The following SAMD12 variants were observed in gnomAD, a reference collection of about 807,000 sequenced individuals.
SAMD12 encodes the protein sterile alpha motif domain-containing protein 12.
SAMD12 carries 9 observed loss-of-function variants against 15.0 expected under a neutral mutation model. That is an observed-to-expected ratio of 0.60 (90% CI 0.36 to 1.05). The LOEUF is 1.05. Among genes scored for constraint, SAMD12 ranks in the 50% least tolerant of loss-of-function variants. The pLI is 0.01. For missense variants in SAMD12, 230 were observed against 234.2 expected (o/e 0.98, Z 0.12); for synonymous variants, 86 against 90.1 (o/e 0.96, Z 0.25).
intron 4 of SAMD12, among the ~76,000 whole-genome samples, chr8:118,302,942 T>C (rs1815125808): frequency 6.6e-6 from 1 of 152,194 alleles, no homozygotes; most frequent in African/African-American, 2.4e-5. Context: ...AAAGTGCAAC[T>C]AGGCATCTGT....
At chr8:118,439,502 A>T (rs1822669313) in intron 3 of SAMD12, among the ~76,000 whole-genome samples, 1 of 152,168 alleles carries the variant, frequency 6.6e-6, no homozygotes, top group Admixed American at 6.5e-5. Context: ...CTACATAGTG[A>T]TCCTGTAGCC....
intron 4 of SAMD12, among the ~76,000 whole-genome samples, chr8:118,259,051 T>C (rs55648456): frequency 1.3e-5 from 2 of 152,082 alleles, no homozygotes; most frequent in Non-Finnish European, 2.9e-5. Context: ...TTGATACTTA[T>C]ACGGAAATGA....
chr8:118,352,838 C>T (rs1818022995), intron 4 of SAMD12, among the ~76,000 whole-genome samples: 1 of 152,092 alleles, frequency 6.6e-6, no homozygotes, highest in African/African-American at 2.4e-5. Context: ...AAGACCTATG[C>T]TAACCGTAGA....
At chr8:118,245,127 T>C (rs1192506345) in intron 4 of SAMD12, among the ~76,000 whole-genome samples, 1 of 152,162 alleles carries the variant, frequency 6.6e-6, no homozygotes. Context: ...GTCTTCATCA[T>C]GACCACCGCT....
At chr8:118,413,934 T>A (rs1413975783) in intron 3 of SAMD12, among the ~76,000 whole-genome samples, 4 of 100,700 alleles carry the variant, frequency 4.0e-5, no homozygotes, top group African/African-American at 1.5e-4. Flanking sequence ...GGGTCGGGGG[T>A]GGGAGGAAAA....
intron 4 of SAMD12, among the ~76,000 whole-genome samples, chr8:118,315,962 T>C (rs1393531656): frequency 6.6e-6 from 1 of 152,152 alleles, no homozygotes. Context: ...TTCTTTTTGA[T>C]GTGAATTACT....
At chr8:118,338,807 A>G (rs1183541465) in intron 4 of SAMD12, among the ~76,000 whole-genome samples, 1 of 152,168 alleles carries the variant, frequency 6.6e-6, no homozygotes, top group Admixed American at 6.5e-5. Context: ...CCTACCTAAC[A>G]ATTTCCTGAC....
At chr8:118,197,356 A>C (rs1012808987) in exon 5 of SAMD12, 63 of 340,630 alleles carry the variant, frequency 1.8e-4, no homozygotes, top group African/African-American at 1.2e-3. Context: ...AAAATAATCC[A>C]GTAGTTGCCA....
At chr8:118,500,009 C>G (rs1008033616) in intron 2 of SAMD12, among the ~76,000 whole-genome samples, 1 of 100,292 alleles carries the variant, frequency 1.0e-5, no homozygotes, top group Non-Finnish European at 2.3e-5. Flanking sequence ...CTGTACGGTC[C>G]CCCCACATAC....
At chr8:118,513,845 A>G (rs1325975527) in intron 2 of SAMD12, among the ~76,000 whole-genome samples, 2 of 152,144 alleles carry the variant, frequency 1.3e-5, no homozygotes, top group African/African-American at 2.4e-5. Context: ...GTTTTGGGGG[A>G]AAATGGGCAG....
At chr8:118,490,073 TTTG>T (rs1586758893) in intron 2 of SAMD12, among the ~76,000 whole-genome samples, 1 of 152,160 alleles carries the variant, frequency 6.6e-6, no homozygotes, top group East Asian at 1.9e-4. Context: ...TTGAGTAAAA[TTTG>T]TTAAGTTCTT....
At chr8:118,144,099 G>A in the SAMD12 span, among the ~76,000 whole-genome samples, 24,802 of 152,010 alleles carry the variant, frequency 0.16, 3,011 homozygotes, top group African/African-American at 0.34. Context: ...TTCTGCCTCC[G>A]TGGTCATGTT....
chr8:118,266,708 T>C (rs373466964), intron 4 of SAMD12, among the ~76,000 whole-genome samples: 23 of 152,160 alleles, frequency 1.5e-4, no homozygotes, highest in African/African-American at 3.9e-4. Context: ...CTGGAGGACA[T>C]TGCATTAAGT....
rs1822539170 is a variant in SAMD12, at chr8:118,435,066, G to A, written c.322+4766C>T. ...TGCAGTGAGCCGAGATCCCGCCACT[G>A]CACTCCAGCCTGGGCGACAGAGTGA... On this transcript the variant is annotated intron_variant, in intron 3 of 3. Transcript: ENST00000314727. 1.2e-4 allele frequency among the ~76,000 whole-genome samples: 3 copies of A among 24,050 alleles called. 1 individual carries two copies. Among genetic ancestry groups the A allele is most frequent in the South Asian group, 2.9e-3 (2 of 696 alleles). 15.8% of individuals were successfully genotyped at this position (24,050 alleles called of 152,430 possible).
intron 1 of SAMD12, among the ~76,000 whole-genome samples, chr8:118,610,024 C>T (rs1828068209): frequency 6.6e-6 from 1 of 152,176 alleles, no homozygotes; most frequent in South Asian, 2.1e-4. Context: ...TTTTGTATTT[C>T]CCAGTGTCAT....
intron 2 of SAMD12, among the ~76,000 whole-genome samples, chr8:118,504,789 C>T (rs1824879363): frequency 1.3e-5 from 2 of 152,104 alleles, no homozygotes; most frequent in South Asian, 4.2e-4. Context: ...GACACATGGC[C>T]ATAAGCCAAG....
At chr8:118,233,017 G>A (rs1052723388) in intron 4 of SAMD12, among the ~76,000 whole-genome samples, 6 of 152,170 alleles carry the variant, frequency 3.9e-5, no homozygotes, top group Admixed American at 2.6e-4. Flanking sequence ...TGGCTTCACA[G>A]TGCGTTATTG....
chr8:118,501,281 G>A (rs1396894639), intron 2 of SAMD12, among the ~76,000 whole-genome samples: 1 of 151,986 alleles, frequency 6.6e-6, no homozygotes, highest in Non-Finnish European at 1.5e-5. Flanking sequence ...CAATTGCCTG[G>A]GAAGCCTTCT....
At chr8:118,317,484 T>C (rs1308983556) in intron 4 of SAMD12, among the ~76,000 whole-genome samples, 1 of 152,182 alleles carries the variant, frequency 6.6e-6, no homozygotes, top group Admixed American at 6.5e-5. Flanking sequence ...AGACAATACA[T>C]GAACCTCATG....
Sources: gnomAD v4.1 joint callset for allele counts (sites outside exome capture counted in the v4.1 genomes callset) on GRCh38, gnomAD v4.1.1 for gene constraint, MANE v1.5 for transcripts, NCBI Gene and HGNC (gene_info 2026-07-23, HGNC 2026-07-21) for gene names.